Variants in SMURF1 observed in about 807,000 individuals in gnomAD.
SMURF1 encodes SMAD specific E3 ubiquitin protein ligase 1.
Under a neutral mutation model 98.0 loss-of-function variants are expected in SMURF1, and 44 were observed. The observed-to-expected ratio is 0.45, with a 90% CI of 0.35 to 0.58. The LOEUF is 0.58. Among genes scored for constraint, SMURF1 ranks in the 20% least tolerant of loss-of-function variants. The probability of loss-of-function intolerance (pLI) is 0.00; values close to 1 mark genes in which losing one functional copy is unlikely to be tolerated. For synonymous variants in SMURF1, 396 were observed against 374.9 expected (o/e 1.06, Z -0.65); for missense variants, 687 against 938.4 (o/e 0.73, Z 3.50).
chr7:99,051,307 A>C (rs370183776), intron 8 of SMURF1, 50 bp downstream of exon 8: 123 of 1,451,178 alleles, frequency 8.5e-5, no homozygotes, highest in Non-Finnish European at 1.1e-4. Flanking sequence ...TGGCTTTTCA[A>C]GTCAACTGCT....
Position 99,051,412 on chromosome 7 carries a change from A to G in SMURF1, c.751T>C (p.Tyr251His), listed in dbSNP as rs1480916988. 6.2e-7 allele frequency: 1 copy of G among 1,614,054 alleles called. No individual in the cohort carries two copies. Among genetic ancestry groups the G allele is most frequent in the African/African-American group, 1.3e-5 (1 of 74,928 alleles). The change falls in exon 8 of 18, where the codon TAC (tyrosine) becomes CAC (histidine). Residue 251 changes from tyrosine to histidine, a missense_variant. This residue lies in a region of SMURF1 where 415 missense variants were observed against 508.4 expected (regional missense o/e 0.82). Coordinates refer to ENST00000361368, the MANE Select transcript of SMURF1 (RefSeq NM_181349.3). ...EQRTTVQGQVYFLHTQTGVST... is the reference protein window; with the variant it reads ...EQRTTVQGQVHFLHTQTGVST... ...ACTCCAGTCTGTGTATGCAAAAAGT[A>G]AACTTGGCCCTGGACTGTTGTTCTT... is the stretch of plus-strand genomic sequence containing the variant.
intron 6 of SMURF1, among the ~76,000 whole-genome samples, chr7:99,053,505 A>C (rs1795810335): frequency 6.6e-6 from 1 of 152,190 alleles, no homozygotes; most frequent in African/African-American, 2.4e-5. Flanking sequence ...TCCAAAGTCC[A>C]CACCTTGCAT....
chr7:99,091,431 G>A (rs1259322187), intron 1 of SMURF1, among the ~76,000 whole-genome samples: 1 of 152,108 alleles, frequency 6.6e-6, no homozygotes, highest in Non-Finnish European at 1.5e-5. Flanking sequence ...AAAAATGATA[G>A]GAAACTTACA....
intron 1 of SMURF1, among the ~76,000 whole-genome samples, chr7:99,119,549 T>C (rs1201733844): frequency 1.3e-5 from 2 of 152,156 alleles, no homozygotes; most frequent in Non-Finnish European, 2.9e-5. Context: ...TAATTAGGCA[T>C]TTCCCAAATA....
rs937399646 is a variant in SMURF1 at position 99,048,042 on chromosome 7, C to T, written c.954-160G>A. On this transcript the variant is annotated intron_variant, in intron 9 of 17. Coordinates refer to ENST00000361368, the MANE Select transcript of SMURF1 (RefSeq NM_181349.3). ...TAACCAGGTACCTAGCTAGCTGTGT[C>T]AAACTTGCTGATGGCCACATTAGCC... is the stretch of plus-strand genomic sequence containing the variant. 3.1e-5 allele frequency: 21 copies of T among 668,964 alleles called. No homozygotes were observed. In the South Asian group the frequency reaches 3.6e-4, roughly 12 times the overall value. 41.4% of individuals were successfully genotyped at this position (668,964 alleles called of 1,614,324 possible).
chr7:99,061,838 C>A lies in SMURF1; in HGVS notation c.56-1G>T. ...TTTGCAAGGTTCTTGGCACATAACA[C>A]TAAAAACAAAGAAAAATTACTCAGG... On this transcript the variant is annotated splice_acceptor_variant, in intron 1 of 17. Transcript: ENST00000361368. LOFTEE classifies it high-confidence loss of function. The A allele has an allele frequency of 6.3e-7, 1 of 1,599,326 alleles. No individual in the cohort carries two copies. Among genetic ancestry groups the A allele is most frequent in the Non-Finnish European group, 8.5e-7 (1 of 1,173,660 alleles).
intron 6 of SMURF1, among the ~76,000 whole-genome samples, chr7:99,054,512 T>C (rs1392745816): frequency 1.3e-5 from 2 of 152,150 alleles, no homozygotes; most frequent in African/African-American, 4.8e-5. Context: ...TTCACCGTAT[T>C]AGCCAGGATG....
intron 3 of SMURF1, among the ~76,000 whole-genome samples, chr7:99,058,365 G>A (rs765749096): frequency 2.0e-5 from 3 of 152,006 alleles, no homozygotes; most frequent in Non-Finnish European, 2.9e-5. Flanking sequence ...CCTGACCTCA[G>A]GTGATCTTCC....
intron 1 of SMURF1, among the ~76,000 whole-genome samples, chr7:99,130,823 C>A (rs1281271145): frequency 4.6e-5 from 7 of 152,106 alleles, no homozygotes; most frequent in Admixed American, 1.3e-4. Flanking sequence ...GGGACTAACC[C>A]CCTGATTAGA....
At position 99,030,442 on chromosome 7, in the gene SMURF1, C is replaced by T; in HGVS notation, c.*142G>A. 1 of 708,214 alleles carries T rather than the reference C, an allele frequency of 1.4e-6. No individual in the cohort carries two copies. Among genetic ancestry groups the T allele is most frequent in the Non-Finnish European group, 2.4e-6 (1 of 417,956 alleles). The allele number at this position is 708,214 out of a possible 1,614,324, so 43.9% of individuals were successfully genotyped here. A position where few individuals can be genotyped will look rare whatever the true frequency, so the allele number is the denominator to read the frequency against. On this transcript the variant is annotated 3_prime_UTR_variant, in exon 18 of 18. Transcript: ENST00000361368. ...ACAAAAGTCCCCCATCCCCCTCCCCCAACAGAAAGGAGAGAGACAACCCTT... is the reference window on the plus strand; with the variant it reads ...ACAAAAGTCCCCCATCCCCCTCCCCTAACAGAAAGGAGAGAGACAACCCTT...
intron 1 of SMURF1, among the ~76,000 whole-genome samples, chr7:99,093,099 G>A (rs1796852135): frequency 6.6e-6 from 1 of 152,118 alleles, no homozygotes; most frequent in Non-Finnish European, 1.5e-5. Flanking sequence ...GGGGTAGGAG[G>A]GCGCAGAGGG....
In SMURF1 at chr7:99,137,634, T is replaced by A. The variant is rs550727403; in HGVS notation, c.55+6092A>T. The stretch of plus-strand genomic sequence containing the variant: ...ATCACCCAGCAGCCAGGAGGATAGG[T>A]TCCTGCTCAGTGATAAACGATGTTG... On this transcript the variant is annotated intron_variant, in intron 1 of 17. Transcript: ENST00000361368. Among the ~76,000 whole-genome samples the A allele has an allele frequency of 5.3e-5, 8 of 152,294 alleles. No homozygotes were observed. In the South Asian group the frequency reaches 1.5e-3, roughly 28 times the overall value.
At chr7:99,053,970 G>A (rs981561281) in intron 6 of SMURF1, among the ~76,000 whole-genome samples, 16 of 151,894 alleles carry the variant, frequency 1.1e-4, no homozygotes, top group African/African-American at 3.1e-4. Flanking sequence ...TTGCTGTGTC[G>A]CCCAAGGTGG....
chr7:99,087,820 C>G (rs1796718291), intron 1 of SMURF1, among the ~76,000 whole-genome samples: 1 of 152,174 alleles, frequency 6.6e-6, no homozygotes, highest in African/African-American at 2.4e-5. Context: ...ACAATAGGCT[C>G]TGGCATCTCT....
chr7:99,078,190 T>A (rs1218194977), intron 1 of SMURF1, among the ~76,000 whole-genome samples: 1 of 150,036 alleles, frequency 6.7e-6, no homozygotes, highest in African/African-American at 2.5e-5. Context: ...TAATCCCAGC[T>A]ACACGGGAGG....
chr7:99,130,861 G>A (rs1158144000), intron 1 of SMURF1, among the ~76,000 whole-genome samples: 3 of 152,098 alleles, frequency 2.0e-5, no homozygotes, highest in South Asian at 2.1e-4. Context: ...ATTGTCCAAC[G>A]AGCACATCCC....
Position 99,112,360 on chromosome 7 carries a change from G to C in SMURF1, c.55+31366C>G, listed in dbSNP as rs1311783461. 3.3e-5 allele frequency among the ~76,000 whole-genome samples: 5 copies of C among 152,308 alleles called. No homozygotes were observed. In the East Asian group the frequency reaches 9.6e-4, roughly 29 times the overall value. On this transcript the variant is annotated intron_variant, in intron 1 of 17. Coordinates refer to ENST00000361368, the MANE Select transcript of SMURF1 (RefSeq NM_181349.3). ...TTGTTGTTGTTGTCATTCCAGACGT[G>C]TAAATAAATCTCTAGTGATTCATCA...
intron 1 of SMURF1, among the ~76,000 whole-genome samples, chr7:99,076,878 TGTGTGTGCAC>T (rs970272468): frequency 3.3e-5 from 5 of 151,926 alleles, no homozygotes; most frequent in South Asian, 2.1e-4. Context: ...TGTGCCTGCA[TGTGTGTGCAC>T]GTGTGTGCGC....
At position 99,036,879 on chromosome 7, in the gene SMURF1, G is replaced by A. The variant is rs115202877; in HGVS notation, c.1809+188C>T. On this transcript the variant is annotated intron_variant, in intron 15 of 17. Coordinates refer to ENST00000361368, the MANE Select transcript of SMURF1 (RefSeq NM_181349.3). ...CCTACCGCCAAGCAGACATCTCGCCGGTTACTAACTGGCATGAACACCCTC... is the reference window on the plus strand; with the variant it reads ...CCTACCGCCAAGCAGACATCTCGCCAGTTACTAACTGGCATGAACACCCTC... 5.8e-3 allele frequency among the ~76,000 whole-genome samples: 890 copies of A among 152,232 alleles called. 7 individuals carry two copies. Among genetic ancestry groups the A allele is most frequent in the African/African-American group, 0.021 (854 of 41,526 alleles).
Sources: allele counts gnomAD v4.1 joint callset (sites outside exome capture counted in the v4.1 genomes callset), GRCh38; gene constraint gnomAD v4.1.1; regional missense constraint gnomAD v4.1.1; transcripts MANE v1.5; gene names NCBI Gene and HGNC (gene_info 2026-07-23, HGNC 2026-07-21).